KDM5A: variants seen among roughly 807,000 people sequenced by gnomAD.
KDM5A encodes the protein lysine-specific demethylase 5A.
In KDM5A, 42 loss-of-function variants were observed where a neutral mutation model predicts 193.5. The ratio of observed to expected loss-of-function variants is 0.22; its 90% CI spans 0.17 to 0.28. The LOEUF is 0.28. KDM5A is among the 10% of genes least tolerant of loss of function. The pLI is 1.00. For missense variants in KDM5A, 1,692 were observed against 2,055.1 expected (o/e 0.82, Z 3.42); for synonymous variants, 796 against 718.1 (o/e 1.11, Z -1.73).
intron 18 of KDM5A, among the ~76,000 whole-genome samples, chr12:320,433 T>A (rs997138008): frequency 8.6e-5 from 13 of 151,882 alleles, no homozygotes; most frequent in African/African-American, 2.9e-4. Context: ...GAGGCAGAGG[T>A]TGCAGTAAGC....
chr12:287,154 A>T (rs926900975), intron 27 of KDM5A, among the ~76,000 whole-genome samples: 12 of 152,284 alleles, frequency 7.9e-5, no homozygotes, highest in Non-Finnish European at 1.5e-4. Context: ...ACCTTGATAC[A>T]ACTGTCGGCA....
intron 21 of KDM5A, 41 bp downstream of exon 21, chr12:310,844 T>TA: frequency 6.3e-7 from 1 of 1,596,666 alleles, no homozygotes; most frequent in Non-Finnish European, 8.6e-7. Flanking sequence ...TATTACTACT[T>TA]AAATTATCAG....
At chr12:320,079 G>C (rs112642879) in intron 18 of KDM5A, among the ~76,000 whole-genome samples, 8 of 152,260 alleles carry the variant, frequency 5.3e-5, no homozygotes, top group African/African-American at 1.9e-4. Flanking sequence ...CAGAAAGTGT[G>C]GTGTCACAGG....
chr12:307,475 T>C lies in KDM5A; in HGVS notation c.3909A>G (p.Ala1303=), dbSNP rs544937221. The change falls in exon 23 of 28, where the codon GCA becomes GCG. Residue 1303 remains alanine (A), a synonymous_variant. Transcript: ENST00000399788. This position sits in a 1 kb window ranked among gnomAD's most constrained non-coding sequence, Gnocchi z 4.3. ...TTGCCTGTAAGTCTGGATTGGCAGC[T>C]GCTTTTTGGAGTTCTGCACTGATGA... ...EKIISAELQK[A]AANPDLQGHL... The C allele has an allele frequency of 6.2e-6, 10 of 1,613,326 alleles. No individual in the cohort carries two copies. The highest frequency in any genetic ancestry group is 1.7e-5 in the Admixed American group (1 of 60,020).
intron 5 of KDM5A, among the ~76,000 whole-genome samples, chr12:361,830 C>T (rs963476877): frequency 2.0e-5 from 3 of 152,110 alleles, no homozygotes; most frequent in Non-Finnish European, 4.4e-5. Context: ...TCCAGGATAC[C>T]TACCTTTCTA....
Position 384,092 on chromosome 12 carries a change from C to A in KDM5A, c.305G>T (p.Gly102Val), listed in dbSNP as rs2137499420. ...DQLAKFWELQ[G>V]STLKIPVVER... ...TACCACAGGGATCTTCAGAGTAGATCCTTGAAGTTCCCAAAATTTTGCTAG... is the reference window on the plus strand; with the variant it reads ...TACCACAGGGATCTTCAGAGTAGATACTTGAAGTTCCCAAAATTTTGCTAG... The change falls in exon 3 of 28, where the codon GGA becomes GTA. Residue 102 changes from glycine (G) to valine (V), a missense_variant. This residue lies in a region of KDM5A where 120 missense variants were observed against 172.0 expected (regional missense o/e 0.70). Transcript: ENST00000399788. The A allele has an allele frequency of 6.2e-7, 1 of 1,610,748 alleles. No homozygotes were observed. Among genetic ancestry groups the A allele is most frequent in the Non-Finnish European group, 8.5e-7 (1 of 1,176,940 alleles).
At chr12:328,444 C>G (rs1943820017) in intron 14 of KDM5A, among the ~76,000 whole-genome samples, 1 of 151,928 alleles carries the variant, frequency 6.6e-6, no homozygotes. Flanking sequence ...TCCTATTCAT[C>G]AAATTACTTA....
chr12:312,932 A>G, intron 20 of KDM5A, 124 bp downstream of exon 20: 4 of 1,128,516 alleles, frequency 3.5e-6, no homozygotes, highest in Non-Finnish European at 5.3e-6. Context: ...AAAAATCACA[A>G]ATCGATCTAA....
At chr12:320,239 G>A (rs1161072074) in intron 18 of KDM5A, among the ~76,000 whole-genome samples, 2 of 152,192 alleles carry the variant, frequency 1.3e-5, no homozygotes, top group Non-Finnish European at 2.9e-5. Context: ...GCTCATGCCT[G>A]TAATCCCAGC....
chr12:376,678 G>C (rs12311569), intron 3 of KDM5A, among the ~76,000 whole-genome samples: 1 of 152,002 alleles, frequency 6.6e-6, no homozygotes, highest in African/African-American at 2.4e-5. Context: ...CGCTCACGCT[G>C]GGAGCTGTAG....
At chr12:285,760 C>CTGGGATGTCTAGATAGGCATCTA in intron 27 of KDM5A, 98 bp from the exon 28 acceptor site, 1 of 1,037,616 alleles carries the variant, frequency 9.6e-7, no homozygotes, top group East Asian at 2.4e-5. Context: ...CAATAGCAAA[C>CTGGGATGTCTAGATAGGCATCTA]AACTGGGATG....
At chr12:353,782 C>T (rs945443750) in intron 8 of KDM5A, among the ~76,000 whole-genome samples, 1 of 151,984 alleles carries the variant, frequency 6.6e-6, no homozygotes, top group Admixed American at 6.6e-5. Flanking sequence ...ATTAGCTGGG[C>T]GTGGTGGCTC....
chr12:341,308 T>C (rs1029716154), intron 10 of KDM5A, among the ~76,000 whole-genome samples: 1 of 152,202 alleles, frequency 6.6e-6, no homozygotes, highest in African/African-American at 2.4e-5. Flanking sequence ...ACATTAAACA[T>C]GTATACATTC....
intron 24 of KDM5A, among the ~76,000 whole-genome samples, chr12:297,720 T>C (rs1943391031): frequency 6.6e-6 from 1 of 152,120 alleles, no homozygotes. Flanking sequence ...GTGCACCTCC[T>C]ACACACAGAC....
Position 284,611 on chromosome 12 carries a change from G to A in KDM5A, c.*845C>T, listed in dbSNP as rs938726916. 11 of 232,524 alleles carry A rather than the reference G, an allele frequency of 4.7e-5. No homozygotes were observed. Among genetic ancestry groups the A allele is most frequent in the South Asian group, 1.8e-4 (1 of 5,516 alleles). 14.4% of individuals were successfully genotyped at this position (232,524 alleles called of 1,614,324 possible). ...TCACTGTGGCTCAGTAAGATAGTAC[G>A]ACTGGTCATCATCGTCATCTTCTTC... On this transcript the variant is annotated 3_prime_UTR_variant, in exon 28 of 28. Transcript: ENST00000399788.
intron 4 of KDM5A, among the ~76,000 whole-genome samples, chr12:363,645 G>A (rs1944318549): frequency 6.6e-6 from 1 of 151,906 alleles, no homozygotes; most frequent in African/African-American, 2.4e-5. Context: ...ATGCATCACT[G>A]ACCAAAATAT....
At chr12:350,586 C>T (rs755001220) in intron 10 of KDM5A, 35 bp downstream of exon 10, 5 of 1,612,070 alleles carry the variant, frequency 3.1e-6, no homozygotes, top group Non-Finnish European at 4.2e-6. Context: ...GCTAAATCAG[C>T]TTGGGGGTAA....
Position 322,474 on chromosome 12 carries a change from T to G in KDM5A, c.2369A>C (p.Glu790Ala). 6.2e-7 allele frequency: 1 copy of G among 1,613,860 alleles called. No homozygotes were observed. Among genetic ancestry groups the G allele is most frequent in the Non-Finnish European group, 8.5e-7 (1 of 1,180,010 alleles). ...LFRKLRDAVKEAETCASVAQL... is the reference protein window; with the variant it reads ...LFRKLRDAVKAAETCASVAQL... ...AGCCACAGAAGCACAGGTCTCAGCT[T>G]CTTTTACAGCATCCCTGAGTTTTCG... The change falls in exon 17 of 28, where the codon GAA becomes GCA. Residue 790 changes from glutamate (E) to alanine (A), a missense_variant. Glu to Ala is a moderately radical substitution (Grantham distance 107). This residue lies in a region of KDM5A where 965 missense variants were observed against 1,061.0 expected (regional missense o/e 0.91). Coordinates refer to ENST00000399788, the MANE Select transcript of KDM5A (RefSeq NM_001042603.3).
chr12:288,924 CGTGT>C lies in KDM5A; in HGVS notation c.4867-3266_4867-3263del, dbSNP rs144856591. On this transcript the variant is annotated intron_variant, in intron 27 of 27. Coordinates refer to ENST00000399788, the MANE Select transcript of KDM5A (RefSeq NM_001042603.3). ...TAGCTCAACATCATGCGCGTGCACGCGTGTGTGTGTGTATTACACACATTTAGGT... is the reference window on the plus strand; with the variant it reads ...TAGCTCAACATCATGCGCGTGCACGCGTGTGTGTATTACACACATTTAGGT... Among the ~76,000 whole-genome samples the C allele has an allele frequency of 3.9e-5, 6 of 152,040 alleles. No homozygotes were observed. In the East Asian group the frequency reaches 7.7e-4, roughly 20 times the overall value.
Sources: gnomAD v4.1 joint callset for allele counts (sites outside exome capture counted in the v4.1 genomes callset) on GRCh38, gnomAD v4.1.1 for gene constraint, gnomAD v4.1.1 regional missense constraint, Gnocchi (gnomAD v3.1) non-coding constraint, MANE v1.5 for transcripts, NCBI Gene and HGNC (gene_info 2026-07-23, HGNC 2026-07-21) for gene names.